MGA: variants seen among roughly 807,000 people sequenced by gnomAD.
MGA encodes MAX gene-associated protein.
Under a neutral mutation model 261.1 loss-of-function variants are expected in MGA, and 40 were observed. The observed-to-expected ratio is 0.15, with a 90% confidence interval of 0.12 to 0.20. The LOEUF is 0.20. MGA is among the 10% of genes least tolerant of loss of function. The pLI is 1.00. For missense variants in MGA, 3,397 were observed against 3,630.5 expected, an observed-to-expected ratio of 0.94 and a Z score of 1.65; for synonymous variants, 1,302 against 1,290.6, an observed-to-expected ratio of 1.01 and a Z score of -0.19.
chr15:41,762,332 A>G lies in MGA; in HGVS notation c.7714A>G (p.Ile2572Val). The G allele has an allele frequency of 6.2e-7, 1 of 1,613,732 alleles. No individual in the cohort carries two copies. The highest frequency in any genetic ancestry group is 8.5e-7 in the Non-Finnish European group (1 of 1,179,832). Residue 2572 changes from isoleucine to valine, a missense_variant, in exon 22 of 24, where the codon ATT (isoleucine) becomes GTT (valine). By Grantham distance (29) the Ile-to-Val change is conservative. Transcript: ENST00000219905. ...AAATAACAGGAGGGGGAAACCTTTG[A>G]TTCTTTCCAGAAAAAAAGACCAGGC...
Position 41,696,457 on chromosome 15 carries a change from A to G in MGA, c.1447A>G (p.Ile483Val), listed in dbSNP as rs1444000023. 6.2e-7 allele frequency: 1 copy of G among 1,613,998 alleles called. No individual in the cohort carries two copies. The highest frequency in any genetic ancestry group is 1.7e-5 in the Admixed American group (1 of 60,028). ...TGCTGTCACCAGAAGCACAGTTAAGATTTCTGAACTCCCCGATAACATGCT... is the reference window on the plus strand; with the variant it reads ...TGCTGTCACCAGAAGCACAGTTAAGGTTTCTGAACTCCCCGATAACATGCT... Residue 483 changes from isoleucine (I) to valine (V), a missense_variant, in exon 3 of 24, where the codon ATT (isoleucine) becomes GTT (valine). Physicochemically the swap from Ile to Val is conservative, Grantham distance 29. Around this residue, in one of 9 missense-constraint regions of MGA, gnomAD observed 563 missense variants for 563.6 expected, o/e 1.00. Coordinates refer to ENST00000219905, the MANE Select transcript of MGA (RefSeq NM_001164273.2).
At chr15:41,720,529 T>C (rs930310372) in intron 9 of MGA, among the ~76,000 whole-genome samples, 15 of 151,934 alleles carry the variant, frequency 9.9e-5, no homozygotes, top group Non-Finnish European at 1.6e-4. Context: ...AGTGAGATGT[T>C]GTCTCAAAAA....
At chr15:41,652,321 C>T (rs1024884730) in intron 1 of MGA, among the ~76,000 whole-genome samples, 1 of 144,510 alleles carries the variant, frequency 6.9e-6, no homozygotes, top group Non-Finnish European at 1.5e-5. Context: ...CTCCCCTCCC[C>T]TCTCTTCTTT....
At chr15:41,711,550 A>G (rs1181947706) in intron 8 of MGA, among the ~76,000 whole-genome samples, 1 of 149,164 alleles carries the variant, frequency 6.7e-6, no homozygotes, top group Non-Finnish European at 1.5e-5. Flanking sequence ...TCCTGCCATC[A>G]GAGAGAGAGA....
intron 1 of MGA, among the ~76,000 whole-genome samples, chr15:41,645,742 A>C (rs1036032202): frequency 1.3e-5 from 2 of 152,214 alleles, no homozygotes; most frequent in African/African-American, 2.4e-5. Context: ...GTGCAAGTAT[A>C]AAATGCTGAA....
chr15:41,763,336 C>T (rs1235239613), intron 22 of MGA, among the ~76,000 whole-genome samples: 18 of 151,020 alleles, frequency 1.2e-4, no homozygotes, highest in East Asian at 9.9e-4. Flanking sequence ...CTCCTGACCT[C>T]GTGATCCGCC....
At chr15:41,687,955 T>C (rs541686182) in intron 2 of MGA, among the ~76,000 whole-genome samples, 7 of 152,360 alleles carry the variant, frequency 4.6e-5, no homozygotes, top group African/African-American at 1.2e-4. Context: ...TTTGGTACTA[T>C]AGATTTTTGC....
At chr15:41,688,796 A>G (rs1595725610) in intron 2 of MGA, among the ~76,000 whole-genome samples, 1 of 152,212 alleles carries the variant, frequency 6.6e-6, no homozygotes, top group South Asian at 2.1e-4. Context: ...TGGCTGGCTT[A>G]AGCAACAGAA....
At chr15:41,723,810 T>G (rs2061082434) in intron 9 of MGA, among the ~76,000 whole-genome samples, 1 of 152,206 alleles carries the variant, frequency 6.6e-6, no homozygotes, top group Admixed American at 6.5e-5. Context: ...TTTTATGAAC[T>G]CCCCTATTTA....
intron 10 of MGA, 45 bp from the exon 11 acceptor site, chr15:41,729,119 A>G: frequency 6.4e-7 from 1 of 1,556,612 alleles, no homozygotes; most frequent in Non-Finnish European, 8.7e-7. Context: ...AGTCTAGCGG[A>G]GTTTTTCCCA....
intron 14 of MGA, among the ~76,000 whole-genome samples, chr15:41,740,798 G>A (rs1337310475): frequency 6.6e-6 from 1 of 152,282 alleles, no homozygotes; most frequent in South Asian, 2.1e-4. Flanking sequence ...AATTTTGAAA[G>A]TGTTGATTTA....
chr15:41,698,722 G>C, intron 3 of MGA, 141 bp from the exon 4 acceptor site: 1 of 589,534 alleles, frequency 1.7e-6, no homozygotes, highest in Non-Finnish European at 3.0e-6. Flanking sequence ...TGAAAAAATT[G>C]CTCCTGTTCT....
chr15:41,735,422 T>TA lies in MGA; in HGVS notation c.3917-758dup, dbSNP rs1248298983. Among the ~76,000 whole-genome samples the TA allele has an allele frequency of 2.6e-5, 4 of 152,156 alleles. No individual in the cohort carries two copies. In the East Asian group the frequency reaches 7.7e-4, roughly 29 times the overall value. On this transcript the variant is annotated intron_variant, in intron 12 of 23. Coordinates refer to ENST00000219905, the MANE Select transcript of MGA (RefSeq NM_001164273.2). ...ATTCAGAGGTATTTGCAGTAGAAAT[T>TA]AGAGTTAGAGTGCACTTAAAATCAG...
At chr15:41,685,537 G>A (rs1438953298) in intron 2 of MGA, among the ~76,000 whole-genome samples, 1 of 152,132 alleles carries the variant, frequency 6.6e-6, no homozygotes, top group Non-Finnish European at 1.5e-5. Flanking sequence ...GAAAAGACTT[G>A]ATATCTTGAC....
chr15:41,681,713 G>A (rs1291164129), intron 2 of MGA, among the ~76,000 whole-genome samples: 1 of 152,122 alleles, frequency 6.6e-6, no homozygotes, highest in East Asian at 1.9e-4. Flanking sequence ...GCCTCCCAAA[G>A]TGCTGGGATT....
chr15:41,664,368 A>G (rs562949413), intron 1 of MGA, among the ~76,000 whole-genome samples: 1 of 152,348 alleles, frequency 6.6e-6, no homozygotes, highest in African/African-American at 2.4e-5. Flanking sequence ...TGTCAACTGC[A>G]TCTTTGACAT....
intron 14 of MGA, among the ~76,000 whole-genome samples, chr15:41,741,758 C>A: frequency 6.6e-6 from 1 of 152,084 alleles, no homozygotes; most frequent in East Asian, 1.9e-4. Flanking sequence ...GTCTCCCAGG[C>A]TGGAGTGCAG....
intron 2 of MGA, among the ~76,000 whole-genome samples, chr15:41,672,841 TA>T (rs1293630259): frequency 6.7e-6 from 1 of 148,420 alleles, no homozygotes; most frequent in Non-Finnish European, 1.5e-5. Context: ...TTTAAGGGTT[TA>T]AAAAATTATA....
At chr15:41,685,500 G>C (rs915244166) in intron 2 of MGA, among the ~76,000 whole-genome samples, 2 of 152,070 alleles carry the variant, frequency 1.3e-5, no homozygotes, top group African/African-American at 2.4e-5. Context: ...AAACCCGCTG[G>C]AATTGCCTTG....
Sources: gnomAD v4.1 joint callset for allele counts (sites outside exome capture counted in the v4.1 genomes callset) on GRCh38, gnomAD v4.1.1 for gene constraint, gnomAD v4.1.1 regional missense constraint, MANE v1.5 for transcripts, NCBI Gene and HGNC (gene_info 2026-07-23, HGNC 2026-07-21) for gene names.